The following TBC1D22A variants were observed in gnomAD, a reference collection of about 807,000 sequenced individuals.
The protein encoded by TBC1D22A is TBC1 domain family member 22A.
TBC1D22A carries 38 observed loss-of-function variants against 60.2 expected under a neutral mutation model. That is an observed-to-expected ratio of 0.63 (90% CI 0.49 to 0.83). The LOEUF (loss-of-function observed/expected upper bound fraction) is 0.83, where lower values mean the gene tolerates loss of function less well. Ranked by LOEUF, TBC1D22A falls within the 40% of genes least tolerant of loss-of-function variation. The pLI is 0.00. For synonymous variants in TBC1D22A, 302 were observed against 281.7 expected (o/e 1.07, Z -0.72); for missense variants, 628 against 701.0 (o/e 0.90, Z 1.18).
chr22:46,999,326 G>T (rs2075230640), intron 10 of TBC1D22A, among the ~76,000 whole-genome samples: 1 of 152,202 alleles, frequency 6.6e-6, no homozygotes, highest in African/African-American at 2.4e-5. Context: ...CAGTCTCTGA[G>T]TAGGCCATTT....
At chr22:47,064,171 G>A (rs570538016) in intron 11 of TBC1D22A, among the ~76,000 whole-genome samples, 355 of 152,352 alleles carry the variant, frequency 2.3e-3, no homozygotes, top group Admixed American at 4.5e-3. Flanking sequence ...GGGCTGATGC[G>A]TTGCCGTTGC....
At chr22:47,040,564 G>A (rs556948504) in intron 11 of TBC1D22A, among the ~76,000 whole-genome samples, 4 of 152,012 alleles carry the variant, frequency 2.6e-5, no homozygotes, top group Non-Finnish European at 4.4e-5. Flanking sequence ...AGGGAAGCTC[G>A]GATGGGGGGT....
intron 1 of TBC1D22A, among the ~76,000 whole-genome samples, chr22:46,774,504 T>A (rs552758743): frequency 5.1e-4 from 78 of 152,368 alleles, no homozygotes; most frequent in Admixed American, 8.5e-4. Flanking sequence ...TTGCTTAGAA[T>A]ACCTGTGGGT....
intron 12 of TBC1D22A, among the ~76,000 whole-genome samples, chr22:47,126,572 C>T (rs1025020303): frequency 2.0e-5 from 3 of 152,232 alleles, no homozygotes; most frequent in East Asian, 1.9e-4. Flanking sequence ...AGCACTACAC[C>T]GCCAGTGAGC....
chr22:46,955,904 G>T (rs2073161701), intron 8 of TBC1D22A, among the ~76,000 whole-genome samples: 1 of 152,196 alleles, frequency 6.6e-6, no homozygotes, highest in Admixed American at 6.5e-5. Flanking sequence ...GCTCCCTGTG[G>T]AGGCAAATGT....
At chr22:46,919,383 C>T (rs947029928) in intron 8 of TBC1D22A, among the ~76,000 whole-genome samples, 3 of 152,156 alleles carry the variant, frequency 2.0e-5, no homozygotes, top group Non-Finnish European at 2.9e-5. Flanking sequence ...GGACGCAGCA[C>T]GTTGTGTTTC....
chr22:47,104,408 T>C (rs1446122213), intron 11 of TBC1D22A, among the ~76,000 whole-genome samples: 1 of 151,822 alleles, frequency 6.6e-6, no homozygotes, highest in East Asian at 2.0e-4. Flanking sequence ...AAAGATTCAA[T>C]AGATGGCCAG....
intron 12 of TBC1D22A, among the ~76,000 whole-genome samples, chr22:47,162,678 G>A (rs1215233532): frequency 2.1e-5 from 1 of 47,540 alleles, no homozygotes; most frequent in Non-Finnish European, 5.0e-5. Flanking sequence ...GGTGCAGGGA[G>A]AGTCGTGGGA....
chr22:46,900,585 C>T lies in TBC1D22A; in HGVS notation c.900+5739C>T, dbSNP rs191536027. Among the ~76,000 whole-genome samples, 102 of 152,336 alleles carry T rather than the reference C, an allele frequency of 6.7e-4. 1 individual carries two copies. The highest frequency in any genetic ancestry group is 2.3e-3 in the African/African-American group (96 of 41,560). ...CTTGCACTTGACAACTGCTGATCTT[C>T]TTTCTGTCTCTAGAGTTCTGCCCTT... On this transcript the variant is annotated intron_variant, in intron 7 of 12. Coordinates refer to ENST00000337137, the MANE Select transcript of TBC1D22A (RefSeq NM_014346.5).
At chr22:47,067,950 T>A (rs923796758) in intron 11 of TBC1D22A, among the ~76,000 whole-genome samples, 1 of 152,230 alleles carries the variant, frequency 6.6e-6, no homozygotes, top group Admixed American at 6.5e-5. Flanking sequence ...TGTGTTCTAG[T>A]TCTGCATGCT....
chr22:46,941,348 T>TATAGAATATATATAC (rs1569247702), intron 8 of TBC1D22A, among the ~76,000 whole-genome samples: 1 of 93,504 alleles, frequency 1.1e-5, no homozygotes, highest in African/African-American at 4.6e-5. Flanking sequence ...TATATATATA[T>TATAGAATATATATAC]AGAATATATA....
chr22:46,912,091 G>A lies in TBC1D22A; in HGVS notation c.918G>A (p.Leu306=), dbSNP rs1401216784. The part of the protein sequence containing the change: ...PKVTEIFERI[L]FIWAIRHPAS... ...TCTTTCAGATTTTTGAAAGGATCTT[G>A]TTCATATGGGCGATCCGCCACCCAG... Residue 306 remains leucine, a synonymous_variant, in exon 8 of 13, where the codon TTG becomes TTA. Coordinates refer to ENST00000337137, the MANE Select transcript of TBC1D22A (RefSeq NM_014346.5). 3 of 1,613,214 alleles carry A rather than the reference G, an allele frequency of 1.9e-6. No individual in the cohort carries two copies. The highest frequency in any genetic ancestry group is 1.3e-5 in the African/African-American group (1 of 74,878).
chr22:46,869,021 G>A lies in TBC1D22A; in HGVS notation c.638-9632G>A, dbSNP rs1034465673. Among the ~76,000 whole-genome samples the A allele has an allele frequency of 3.3e-5, 5 of 152,282 alleles. No individual in the cohort carries two copies. The South Asian group carries it at 1.0e-3, about 32-fold the overall frequency. On this transcript the variant is annotated intron_variant, in intron 4 of 12. Transcript: ENST00000337137. ...CCTCAGTTGGCCGCTCCGTGTTGGCGTCCCCTTGTCAGGCTGTTATCTGCG... is the reference window on the plus strand; with the variant it reads ...CCTCAGTTGGCCGCTCCGTGTTGGCATCCCCTTGTCAGGCTGTTATCTGCG...
At chr22:47,166,019 C>T (rs2068196662) in intron 12 of TBC1D22A, among the ~76,000 whole-genome samples, 1 of 152,246 alleles carries the variant, frequency 6.6e-6, no homozygotes, top group Non-Finnish European at 1.5e-5. Flanking sequence ...GGCCTTTTAG[C>T]CCCATCGTGA....
intron 8 of TBC1D22A, among the ~76,000 whole-genome samples, chr22:46,916,624 C>T (rs918713438): frequency 6.6e-6 from 1 of 152,226 alleles, no homozygotes; most frequent in African/African-American, 2.4e-5. Flanking sequence ...CTCAACCTCT[C>T]CAAGCAAATG....
chr22:46,966,303 A>C (rs1258959633), intron 8 of TBC1D22A, among the ~76,000 whole-genome samples: 2 of 152,004 alleles, frequency 1.3e-5, no homozygotes, highest in East Asian at 3.9e-4. Context: ...GTTCCAGCTC[A>C]CACAGCACGG....
At chr22:47,058,354 A>G (rs1603204486) in intron 11 of TBC1D22A, among the ~76,000 whole-genome samples, 1 of 151,304 alleles carries the variant, frequency 6.6e-6, no homozygotes, top group Non-Finnish European at 1.5e-5. Context: ...TTATGATTCC[A>G]CCCGCCCGAC....
chr22:46,763,336 G>A (rs2083169647), intron 1 of TBC1D22A: 1 of 146,402 alleles, frequency 6.8e-6, no homozygotes, highest in Non-Finnish European at 1.5e-5. Flanking sequence ...TTCCCTGTGA[G>A]TTTCCATGTT....
chr22:46,867,691 A>G lies in TBC1D22A; in HGVS notation c.638-10962A>G, dbSNP rs142046167. Among the ~76,000 whole-genome samples the G allele has an allele frequency of 8.5e-5, 13 of 152,376 alleles. No homozygotes were observed. In the East Asian group the frequency reaches 2.3e-3, roughly 27 times the overall value. On this transcript the variant is annotated intron_variant, in intron 4 of 12. Coordinates refer to ENST00000337137, the MANE Select transcript of TBC1D22A (RefSeq NM_014346.5). ...GAAGATGATGACGTTAACACTGTAG[A>G]AAAAGCATCTATAGATGACATGGCG...
Sources: gnomAD v4.1 joint callset for allele counts (sites outside exome capture counted in the v4.1 genomes callset) on GRCh38, gnomAD v4.1.1 for gene constraint, MANE v1.5 for transcripts, NCBI Gene and HGNC (gene_info 2026-07-23, HGNC 2026-07-21) for gene names.